Variants in GLIS3 observed in about 807,000 individuals in gnomAD.
GLIS3 encodes zinc finger protein GLIS3.
In GLIS3, 53 loss-of-function variants were observed where a neutral mutation model predicts 78.6. The ratio of observed to expected loss-of-function variants is 0.67; its 90% CI spans 0.54 to 0.85. The LOEUF is 0.85. GLIS3 is among the 40% of genes least tolerant of loss of function. The pLI, the probability that GLIS3 is intolerant of heterozygous loss-of-function variation, is 0.00. For missense variants in GLIS3, 1,703 were observed against 1,231.1 expected, an observed-to-expected ratio of 1.38 and a Z score of -5.74; for synonymous variants, 684 against 509.9, an observed-to-expected ratio of 1.34 and a Z score of -4.60.
At chr9:3,997,144 C>T (rs1033742466) in intron 4 of GLIS3, among the ~76,000 whole-genome samples, 1 of 152,106 alleles carries the variant, frequency 6.6e-6, no homozygotes, top group Admixed American at 6.5e-5. Flanking sequence ...GGTTGGAGTT[C>T]AAGACCAGCC....
intron 4 of GLIS3, among the ~76,000 whole-genome samples, chr9:4,057,836 A>G (rs1309163983): frequency 1.3e-5 from 2 of 152,182 alleles, no homozygotes; most frequent in Non-Finnish European, 2.9e-5. Flanking sequence ...AAACTTCAGA[A>G]AAGAGGTCTT....
At chr9:3,896,715 G>A (rs1219926098) in intron 7 of GLIS3, among the ~76,000 whole-genome samples, 1 of 130,830 alleles carries the variant, frequency 7.6e-6, no homozygotes, top group East Asian at 2.6e-4. Context: ...CAGTCATAAG[G>A]TACCTGGAGA....
At chr9:3,900,942 GAAGA>G (rs1406296063) in intron 6 of GLIS3, 2 of 152,224 alleles carry the variant, frequency 1.3e-5, no homozygotes, top group Non-Finnish European at 2.9e-5. Context: ...CACTAAAGAA[GAAGA>G]AACAGCTAGC....
In GLIS3 at chr9:4,008,455, A is replaced by G. The variant is rs182197973; in HGVS notation, c.1711-71266T>C. Among the ~76,000 whole-genome samples, 213 of 152,300 alleles carry G rather than the reference A, an allele frequency of 1.4e-3. 2 individuals carry two copies. The highest frequency in any genetic ancestry group is 4.7e-3 in the African/African-American group (194 of 41,574). On this transcript the variant is annotated intron_variant, in intron 4 of 10. Coordinates refer to ENST00000381971, the MANE Select transcript of GLIS3 (RefSeq NM_001042413.2). ...TTTGTTCAAAATGCTCCCAGTGTAC[A>G]TTCAAAATCCAGCCCCTACTAAGAC...
At chr9:4,364,774 T>TTTTTTG in the GLIS3 span, among the ~76,000 whole-genome samples, 1 of 137,342 alleles carries the variant, frequency 7.3e-6, no homozygotes, top group Non-Finnish European at 1.6e-5. Context: ...TTTTTTTTTT[T>TTTTTTG]TTTTTAAAGA....
the GLIS3 span, among the ~76,000 whole-genome samples, chr9:4,389,818 G>C: frequency 3.9e-5 from 6 of 152,186 alleles, no homozygotes; most frequent in African/African-American, 1.4e-4. Context: ...ACAATAATTT[G>C]TTGAACATTT....
At chr9:4,352,698 G>T (rs1232253470), upstream of GLIS3, among the ~76,000 whole-genome samples, 1 of 152,268 alleles carries the variant, frequency 6.6e-6, no homozygotes, top group Non-Finnish European at 1.5e-5. Flanking sequence ...GGCTATGTGT[G>T]GCCATGGGCA....
intron 2 of GLIS3, among the ~76,000 whole-genome samples, chr9:4,196,388 AC>A (rs1277669840): frequency 6.6e-6 from 1 of 152,220 alleles, no homozygotes; most frequent in Non-Finnish European, 1.5e-5. Flanking sequence ...AGCAGTGGCA[AC>A]CGGCTCAGGT....
At chr9:4,012,765 C>CT (rs71324278) in intron 4 of GLIS3, among the ~76,000 whole-genome samples, 17,480 of 67,078 alleles carry the variant, frequency 0.26, 2,064 homozygotes, top group Non-Finnish European at 0.32. Context: ...TTTTCTTTTT[C>CT]TTTTTTTTTT....
At chr9:4,035,555 T>C (rs1056162697) in intron 4 of GLIS3, among the ~76,000 whole-genome samples, 1 of 152,040 alleles carries the variant, frequency 6.6e-6, no homozygotes, top group East Asian at 1.9e-4. Context: ...AGTGGCCTAG[T>C]TGAGGCTCTA....
intron 2 of GLIS3, among the ~76,000 whole-genome samples, chr9:4,205,435 G>A (rs1021100063): frequency 5.3e-5 from 8 of 152,208 alleles, no homozygotes; most frequent in African/African-American, 1.9e-4. Flanking sequence ...GAGACAATGG[G>A]ATACAAGGAG....
chr9:4,110,238 T>C (rs889571882), intron 4 of GLIS3, among the ~76,000 whole-genome samples: 1 of 152,126 alleles, frequency 6.6e-6, no homozygotes, highest in Admixed American at 6.5e-5. Flanking sequence ...AGACTGACAT[T>C]CCAGTGAGAC....
chr9:4,073,836 G>C (rs548578554), intron 4 of GLIS3, among the ~76,000 whole-genome samples: 5 of 152,280 alleles, frequency 3.3e-5, no homozygotes, highest in African/African-American at 1.2e-4. Context: ...GCATGAAAGT[G>C]TATATAGAGC....
the GLIS3 span, among the ~76,000 whole-genome samples, chr9:4,408,997 A>T: frequency 1.3e-5 from 2 of 151,994 alleles, no homozygotes; most frequent in African/African-American, 2.4e-5. Flanking sequence ...AATAAAAATT[A>T]AAAAATTAAA....
chr9:4,425,577 G>C, the GLIS3 span, among the ~76,000 whole-genome samples: 1 of 152,352 alleles, frequency 6.6e-6, no homozygotes, highest in Admixed American at 6.5e-5. Flanking sequence ...CTTGCTGAGT[G>C]ACTCCAGTGG....
intron 2 of GLIS3, among the ~76,000 whole-genome samples, chr9:4,127,270 C>T (rs903437562): frequency 7.2e-5 from 11 of 152,086 alleles, no homozygotes; most frequent in African/African-American, 1.9e-4. Context: ...ACTGATTCTA[C>T]GAGAATGTAT....
chr9:4,165,896 G>C (rs1453174110), intron 2 of GLIS3, among the ~76,000 whole-genome samples: 2 of 152,168 alleles, frequency 1.3e-5, no homozygotes, highest in Non-Finnish European at 2.9e-5. Context: ...GTTTGGGGAG[G>C]CAGGAAAAAA....
chr9:4,309,974 G>C (rs1332545092), intron 3 of GLIS3, among the ~76,000 whole-genome samples: 1 of 152,210 alleles, frequency 6.6e-6, no homozygotes, highest in African/African-American at 2.4e-5. Flanking sequence ...ATAAGACATG[G>C]TCCCTGAATC....
At chr9:4,417,502 C>A in the GLIS3 span, among the ~76,000 whole-genome samples, 7 of 152,308 alleles carry the variant, frequency 4.6e-5, no homozygotes, top group South Asian at 2.1e-4. Context: ...TGTACCAACA[C>A]TGACATAACC....
Sources: allele counts gnomAD v4.1 joint callset (sites outside exome capture counted in the v4.1 genomes callset), GRCh38; gene constraint gnomAD v4.1.1; transcripts MANE v1.5; gene names NCBI Gene and HGNC (gene_info 2026-07-23, HGNC 2026-07-21).